SGCZ: variants seen among roughly 807,000 people sequenced by gnomAD.
SGCZ encodes the protein sarcoglycan zeta.
A neutral mutation model predicts 41.3 loss-of-function variants in SGCZ; 40 were observed. That is an observed-to-expected ratio of 0.97 (90% CI 0.75 to 1.26). The LOEUF is 1.26. SGCZ is among the 50% of genes most tolerant of loss of function. SGCZ has a pLI of 0.00. For missense variants in SGCZ, 552 were observed against 369.8 expected (o/e 1.49, Z -4.04); for synonymous variants, 206 against 137.5 (o/e 1.50, Z -3.49).
At chr8:14,585,970 G>T (rs940337349) in intron 1 of SGCZ, among the ~76,000 whole-genome samples, 1 of 151,964 alleles carries the variant, frequency 6.6e-6, no homozygotes, top group African/African-American at 2.4e-5. Flanking sequence ...TCACCTGGTG[G>T]CATTATATCT....
intron 1 of SGCZ, among the ~76,000 whole-genome samples, chr8:14,979,858 G>A (rs544568335): frequency 6.6e-6 from 1 of 152,182 alleles, no homozygotes; most frequent in African/African-American, 2.4e-5. Context: ...TTTCCCTTTA[G>A]GGCATAGTAA....
chr8:14,136,515 G>T (rs959488522), intron 5 of SGCZ, among the ~76,000 whole-genome samples: 17 of 152,160 alleles, frequency 1.1e-4, no homozygotes, highest in African/African-American at 4.1e-4. Flanking sequence ...ACCTGGCTCA[G>T]TGAGTTCCAC....
At chr8:14,153,372 A>G (rs77818297) in intron 5 of SGCZ, among the ~76,000 whole-genome samples, 2 of 152,318 alleles carry the variant, frequency 1.3e-5, no homozygotes, top group East Asian at 3.9e-4. Flanking sequence ...ACTTTGTCAA[A>G]GAGTGAGCTC....
chr8:14,138,001 C>T (rs1371119359), intron 5 of SGCZ, among the ~76,000 whole-genome samples: 3 of 152,164 alleles, frequency 2.0e-5, no homozygotes, highest in Admixed American at 6.5e-5. Flanking sequence ...ATTCTACAAG[C>T]CAGAAGAGAG....
At chr8:14,264,152 C>G (rs1799777853) in intron 3 of SGCZ, among the ~76,000 whole-genome samples, 2 of 152,178 alleles carry the variant, frequency 1.3e-5, no homozygotes, top group Admixed American at 1.3e-4. Context: ...CTGCCCTGGT[C>G]CCAGTGACCA....
intron 2 of SGCZ, among the ~76,000 whole-genome samples, chr8:14,352,728 T>TG (rs1803146581): frequency 6.6e-6 from 1 of 152,072 alleles, no homozygotes; most frequent in African/African-American, 2.4e-5. Flanking sequence ...AAAATATACC[T>TG]GCCTATTTTT....
chr8:14,101,510 T>G (rs1222626573), intron 7 of SGCZ, among the ~76,000 whole-genome samples: 1 of 152,166 alleles, frequency 6.6e-6, no homozygotes, highest in Admixed American at 6.5e-5. Flanking sequence ...AGAACATCAA[T>G]GACAAAGTAT....
intron 1 of SGCZ, among the ~76,000 whole-genome samples, chr8:15,207,961 G>T (rs10096451): frequency 0.78 from 118,920 of 152,130 alleles, 46,938 homozygotes; most frequent in Non-Finnish European, 0.83. Context: ...GTGAATGTCT[G>T]TCATTTCCTT....
At chr8:14,120,229 A>C (rs896140905) in intron 5 of SGCZ, among the ~76,000 whole-genome samples, 3 of 152,196 alleles carry the variant, frequency 2.0e-5, no homozygotes, top group African/African-American at 7.2e-5. Context: ...ACAATTAATA[A>C]AATTCACCAT....
At chr8:15,051,836 T>C (rs1257083874) in intron 1 of SGCZ, among the ~76,000 whole-genome samples, 1 of 152,164 alleles carries the variant, frequency 6.6e-6, no homozygotes, top group Non-Finnish European at 1.5e-5. Flanking sequence ...AAAGTCAAAC[T>C]GCACTTAGAG....
At chr8:15,165,376 T>C (rs1294313409) in intron 1 of SGCZ, among the ~76,000 whole-genome samples, 4 of 152,110 alleles carry the variant, frequency 2.6e-5, no homozygotes, top group South Asian at 2.1e-4. Context: ...TTAACCTTAA[T>C]AAATAAAAAC....
chr8:14,806,326 A>T (rs866815176), intron 1 of SGCZ, among the ~76,000 whole-genome samples: 7,712 of 149,396 alleles, frequency 0.052, 403 homozygotes, highest in African/African-American at 0.14. Flanking sequence ...AAATTGATAG[A>T]CCACTAGCAA....
At chr8:14,168,696 A>T (rs1804283554) in intron 4 of SGCZ, among the ~76,000 whole-genome samples, 1 of 152,178 alleles carries the variant, frequency 6.6e-6, no homozygotes, top group African/African-American at 2.4e-5. Context: ...TAGCAGTGTG[A>T]AAACGGACTA....
At chr8:14,776,929 A>G (rs957547427) in intron 1 of SGCZ, among the ~76,000 whole-genome samples, 5 of 152,226 alleles carry the variant, frequency 3.3e-5, no homozygotes, top group Admixed American at 3.3e-4. Flanking sequence ...CTTGATGTAT[A>G]CCATGGTAAA....
intron 3 of SGCZ, among the ~76,000 whole-genome samples, chr8:14,273,695 G>T (rs866226758): frequency 6.6e-6 from 1 of 152,036 alleles, no homozygotes; most frequent in Non-Finnish European, 1.5e-5. Flanking sequence ...GATGTGTTGG[G>T]TAAACTCTTT....
chr8:14,749,250 C>T (rs1056531271), intron 1 of SGCZ, among the ~76,000 whole-genome samples: 5 of 152,026 alleles, frequency 3.3e-5, no homozygotes, highest in African/African-American at 9.7e-5. Flanking sequence ...ATGTTTGGAC[C>T]AAAATGATCC....
chr8:14,504,153 G>A (rs1802236212), intron 2 of SGCZ, among the ~76,000 whole-genome samples: 1 of 152,012 alleles, frequency 6.6e-6, no homozygotes, highest in Admixed American at 6.6e-5. Context: ...AATGTTATGT[G>A]TTGATACAAC....
At chr8:14,452,030 G>C (rs1173319317) in intron 2 of SGCZ, among the ~76,000 whole-genome samples, 1 of 152,174 alleles carries the variant, frequency 6.6e-6, no homozygotes, top group East Asian at 1.9e-4. Flanking sequence ...CATGCACATG[G>C]ATACTTATAA....
chr8:14,126,903 TC>T (rs1420621444), intron 5 of SGCZ, among the ~76,000 whole-genome samples: 1 of 151,990 alleles, frequency 6.6e-6, no homozygotes, highest in Non-Finnish European at 1.5e-5. Context: ...CCACATGTTC[TC>T]ATTTATATAT....
Sources: allele counts gnomAD v4.1 joint callset (sites outside exome capture counted in the v4.1 genomes callset), GRCh38; gene constraint gnomAD v4.1.1; transcripts MANE v1.5; gene names NCBI Gene and HGNC (gene_info 2026-07-23, HGNC 2026-07-21).